Variants in SLC25A48 observed in about 807,000 individuals in gnomAD.
The protein encoded by SLC25A48 is CTC-321K16.1.
Under a neutral mutation model 32.2 loss-of-function variants are expected in SLC25A48, and 29 were observed. The ratio of observed to expected loss-of-function variants is 0.90; its 90% confidence interval spans 0.67 to 1.23. The LOEUF (loss-of-function observed/expected upper bound fraction) is 1.23. SLC25A48 is among the 50% of genes most tolerant of loss of function. The pLI is 0.00. For synonymous variants in SLC25A48, 164 were observed against 172.3 expected, an observed-to-expected ratio of 0.95 and a Z score of 0.38; for missense variants, 399 against 422.7, an observed-to-expected ratio of 0.94 and a Z score of 0.49.
At position 135,782,914 on chromosome 5, in the gene SLC25A48, AGAT is replaced by A. The variant is rs1272892284; in HGVS notation, c.-520-29605_-520-29603del. ...TTGGTTCAAAATCCAGGGGGTGAGA[AGAT>A]GATATTACTCCCAATATCGCAGGGG... On this transcript the variant is annotated intron_variant, in intron 3 of 10. Transcript: ENST00000646290. Among the ~76,000 whole-genome samples the A allele has an allele frequency of 1.4e-4, 13 of 96,046 alleles. 4 individuals carry two copies. Among genetic ancestry groups the A allele is most frequent in the Admixed American group, 1.3e-3 (12 of 9,374 alleles). 63.0% of individuals were successfully genotyped at this position (96,046 alleles called of 152,430 possible).
intron 3 of SLC25A48, among the ~76,000 whole-genome samples, chr5:135,790,023 G>A (rs1487053686): frequency 6.6e-6 from 1 of 151,878 alleles, no homozygotes; most frequent in East Asian, 1.9e-4. Flanking sequence ...GTGAAATTAA[G>A]TGTAACATCT....
intron 3 of SLC25A48, among the ~76,000 whole-genome samples, chr5:135,691,388 G>T (rs911142084): frequency 1.1e-4 from 17 of 152,338 alleles, no homozygotes; most frequent in Admixed American, 6.5e-4. Flanking sequence ...CCAGTCCCGT[G>T]CTCTGCCCTG....
At chr5:135,881,288 A>G (rs1354354703) in intron 7 of SLC25A48, among the ~76,000 whole-genome samples, 1 of 152,172 alleles carries the variant, frequency 6.6e-6, no homozygotes, top group Non-Finnish European at 1.5e-5. Context: ...TTGTCTATAA[A>G]ACCTCACTGC....
chr5:135,620,586 A>G (rs1752303794), intron 1 of SLC25A48, among the ~76,000 whole-genome samples: 1 of 152,120 alleles, frequency 6.6e-6, no homozygotes, highest in South Asian at 2.1e-4. Flanking sequence ...AATTGCAGGC[A>G]GGGGAATTTG....
intron 3 of SLC25A48, chr5:135,671,549 G>C (rs1753654110): frequency 6.6e-6 from 1 of 152,202 alleles, no homozygotes; most frequent in South Asian, 2.1e-4. Context: ...GGCTGATGTT[G>C]AGGGCAGGCC....
At chr5:135,742,043 A>G (rs1422743213) in intron 3 of SLC25A48, among the ~76,000 whole-genome samples, 1 of 152,104 alleles carries the variant, frequency 6.6e-6, no homozygotes, top group Non-Finnish European at 1.5e-5. Flanking sequence ...GGCCAATTCA[A>G]CTTAGTCTAA....
chr5:135,777,453 G>A (rs957378850), intron 3 of SLC25A48, among the ~76,000 whole-genome samples: 12 of 151,526 alleles, frequency 7.9e-5, no homozygotes, highest in African/African-American at 1.9e-4. Context: ...CTCAGTAAGT[G>A]TACATCCCCC....
In SLC25A48 at chr5:135,871,636, C is replaced by A; in HGVS notation, c.597C>A (p.Tyr199Ter). 6.2e-7 allele frequency: 1 copy of A among 1,614,200 alleles called. No individual in the cohort carries two copies. The highest frequency in any genetic ancestry group is 8.5e-7 in the Non-Finnish European group (1 of 1,180,014). The change falls in exon 5 of 8, where the codon TAC (tyrosine) becomes TAA (stop). Residue 199 changes from tyrosine to a stop codon, truncating the protein, a stop_gained. Transcript: ENST00000681962. LOFTEE classifies it high-confidence loss of function. Reference protein sequence around the residue: ...VPGYCLYFIPYVFLSEWITPE... With the variant: ...VPGYCLYFIP Reference sequence around the variant, plus strand: ...GCTATTGCCTCTACTTCATCCCCTACGTGTTCCTGAGTGAGTGGATCACAC... The same window carrying A: ...GCTATTGCCTCTACTTCATCCCCTAAGTGTTCCTGAGTGAGTGGATCACAC...
At chr5:135,794,731 C>A (rs1270592089) in intron 3 of SLC25A48, among the ~76,000 whole-genome samples, 1 of 151,412 alleles carries the variant, frequency 6.6e-6, no homozygotes, top group South Asian at 2.1e-4. Flanking sequence ...GGCGTATACA[C>A]CCCTCCTGTG....
intron 3 of SLC25A48, among the ~76,000 whole-genome samples, chr5:135,706,694 G>A (rs1255770943): frequency 6.6e-6 from 1 of 152,106 alleles, no homozygotes; most frequent in Non-Finnish European, 1.5e-5. Context: ...AGTGTGAAGA[G>A]GGAGCCCCCT....
chr5:135,782,018 G>T (rs1244784364), intron 3 of SLC25A48, among the ~76,000 whole-genome samples: 1 of 114,944 alleles, frequency 8.7e-6, no homozygotes, highest in Non-Finnish European at 2.2e-5. Context: ...AGAAGAGGAT[G>T]CTTTTATTCC....
At chr5:135,659,371 T>A (rs1428156287) in intron 3 of SLC25A48, among the ~76,000 whole-genome samples, 2 of 152,224 alleles carry the variant, frequency 1.3e-5, no homozygotes, top group African/African-American at 4.8e-5. Context: ...CAGTTCCTAA[T>A]AAGTTCCTCA....
intron 1 of SLC25A48, among the ~76,000 whole-genome samples, chr5:135,589,054 C>A (rs1170968972): frequency 6.6e-6 from 1 of 152,174 alleles, no homozygotes; most frequent in African/African-American, 2.4e-5. Context: ...AGAACCAGTC[C>A]AGCCTGTGCC....
intron 1 of SLC25A48, among the ~76,000 whole-genome samples, chr5:135,619,673 A>G (rs372963150): frequency 4.6e-5 from 7 of 152,262 alleles, no homozygotes; most frequent in Admixed American, 4.6e-4. Context: ...CTGAAGATGC[A>G]TCTATGCTGT....
At chr5:135,788,898 ACCCCC>A (rs1756932995) in intron 3 of SLC25A48, among the ~76,000 whole-genome samples, 1 of 143,954 alleles carries the variant, frequency 6.9e-6, no homozygotes, top group African/African-American at 2.6e-5. Flanking sequence ...GGGGGTGTAC[ACCCCC>A]ACGCCATATG....
intron 3 of SLC25A48, among the ~76,000 whole-genome samples, chr5:135,775,655 G>A (rs1214908026): frequency 1.3e-5 from 2 of 151,552 alleles, no homozygotes; most frequent in African/African-American, 2.4e-5. Context: ...ATCCAGAAGG[G>A]GAGAGGATGC....
rs1350865667 is a variant in SLC25A48, at chr5:135,874,081, A to G, written c.740A>G (p.Asp247Gly). ...MDVVKSRLQA[D>G]GVYLNKYKGV... ...GTCGTGAAAAGTCGACTCCAAGCTG[A>G]TGGGGTTTATTTAAACAAATATAAA... The change falls in exon 6 of 8, where the codon GAT becomes GGT. Residue 247 changes from aspartate to glycine, a missense_variant. Transcript: ENST00000681962. The G allele has an allele frequency of 1.3e-6, 2 of 1,527,610 alleles. No individual in the cohort carries two copies. The highest frequency in any genetic ancestry group is 1.7e-6 in the Non-Finnish European group (2 of 1,144,334). 94.6% of individuals were successfully genotyped at this position (1,527,610 alleles called of 1,614,324 possible). A position where few individuals can be genotyped will look rare whatever the true frequency, so the allele number is the denominator to read the frequency against.
Position 135,720,119 on chromosome 5 carries a change from C to T in SLC25A48, c.-521+85163C>T, listed in dbSNP as rs74809225. ...AAAACGCAGTAGCTCAAAGTCACTC[C>T]AGCTCCTGCTCATTGTAGCAGTGGA... is the stretch of plus-strand genomic sequence containing the variant. On this transcript the variant is annotated intron_variant, in intron 3 of 10. Transcript: ENST00000646290. 5.0e-3 allele frequency among the ~76,000 whole-genome samples: 756 copies of T among 152,330 alleles called. 6 individuals are homozygous for T. Among genetic ancestry groups the T allele is most frequent in the African/African-American group, 0.017 (717 of 41,574 alleles).
In SLC25A48 at chr5:135,731,403, A is replaced by G. The variant is rs545176139; in HGVS notation, c.-520-81120A>G. Among the ~76,000 whole-genome samples, 17 of 152,308 alleles carry G rather than the reference A, an allele frequency of 1.1e-4. No homozygotes were observed. In the East Asian group the frequency reaches 2.3e-3, roughly 21 times the overall value. ...CATGACATTCCTGTCTTCTTATATT[A>G]ATAAGAAAAATAAAACAAAATAGTG... On this transcript the variant is annotated intron_variant, in intron 3 of 10. Transcript: ENST00000646290.
Sources: allele counts gnomAD v4.1 joint callset (sites outside exome capture counted in the v4.1 genomes callset), GRCh38; gene constraint gnomAD v4.1.1; transcripts MANE v1.5; gene names NCBI Gene and HGNC (gene_info 2026-07-23, HGNC 2026-07-21).